Variants in LEPROT observed in about 807,000 individuals in gnomAD.
The protein encoded by LEPROT is leptin receptor gene-related protein.
LEPROT carries 3 observed loss-of-function variants against 15.4 expected under a neutral mutation model. The ratio of observed to expected loss-of-function variants is 0.19; its 90% CI spans 0.09 to 0.50. LEPROT has a LOEUF of 0.50. Ranked by LOEUF, LEPROT falls within the 20% of genes least tolerant of loss-of-function variation. The probability of loss-of-function intolerance (pLI) is 0.97; values close to 1 mark genes in which losing one functional copy is unlikely to be tolerated. For synonymous variants in LEPROT, 59 were observed against 57.5 expected (o/e 1.03, Z -0.12); for missense variants, 137 against 162.2 (o/e 0.84, Z 0.84).
At chr1:65,421,182 A>T in intron 1 of LEPROT, 1 of 784,418 alleles carries the variant, frequency 1.3e-6, no homozygotes, top group Non-Finnish European at 1.9e-6. Flanking sequence ...TCTTTTTCCT[A>T]ATGATTTTTC....
At chr1:65,425,833 A>G (rs1299889524) in intron 2 of LEPROT, among the ~76,000 whole-genome samples, 1 of 152,218 alleles carries the variant, frequency 6.6e-6, no homozygotes, top group Non-Finnish European at 1.5e-5. Context: ...GTGGATGAAT[A>G]AGAGTTTTTC....
In LEPROT at chr1:65,433,132, A is replaced by G. The variant is rs534584276; in HGVS notation, c.*1213A>G. On this transcript the variant is annotated 3_prime_UTR_variant, in exon 4 of 4. Coordinates refer to ENST00000371065, the MANE Select transcript of LEPROT (RefSeq NM_017526.5). ...TAGGTAACTCTTTTACATTTCCTTT[A>G]TGATCTGGCACTTCTCCCCAGCTCC... 1 of 985,340 alleles carries G rather than the reference A, an allele frequency of 1.0e-6. No individual in the cohort carries two copies. Among genetic ancestry groups the G allele is most frequent in the East Asian group, 1.1e-4 (1 of 8,796 alleles). The allele number at this position is 985,340 out of a possible 1,614,324, so 61.0% of individuals were successfully genotyped here. A position where few individuals can be genotyped will look rare whatever the true frequency, so the allele number is the denominator to read the frequency against.
At position 65,430,215 on chromosome 1, in the gene LEPROT, A is replaced by G. The variant is rs560267676; in HGVS notation, c.279+167A>G. The G allele has an allele frequency of 3.7e-5, 18 of 489,146 alleles. No homozygotes were observed. The South Asian group carries it at 1.1e-3, about 31-fold the overall frequency. The allele number at this position is 489,146 out of a possible 1,614,324, so 30.3% of individuals were successfully genotyped here. A position where few individuals can be genotyped will look rare whatever the true frequency, so the allele number is the denominator to read the frequency against. The stretch of plus-strand genomic sequence containing the variant: ...AGACCTGCCTAACAGTAGTTCGGCC[A>G]TGCCTTCAGAGTGCTTTCTTTATTT... On this transcript the variant is annotated intron_variant, in intron 3 of 3. Coordinates refer to ENST00000371065, the MANE Select transcript of LEPROT (RefSeq NM_017526.5).
intron 1 of LEPROT, among the ~76,000 whole-genome samples, chr1:65,423,225 A>G (rs748026504): frequency 3.3e-5 from 5 of 152,158 alleles, no homozygotes; most frequent in African/African-American, 1.2e-4. Context: ...CTGGAGCATC[A>G]GTTGCGGCCG....
In LEPROT at chr1:65,431,987, C is replaced by T. The variant is rs911768540; in HGVS notation, c.*68C>T. 1.5e-4 allele frequency: 230 copies of T among 1,493,998 alleles called. No homozygotes were observed. Among genetic ancestry groups the T allele is most frequent in the Middle Eastern group, 1.4e-3 (6 of 4,418 alleles). 92.5% of individuals were successfully genotyped at this position (1,493,998 alleles called of 1,614,324 possible). Reference sequence around the variant, plus strand: ...TACTATCTGTATACATGTGCACATGCGGCATTTTACTATGAAATTTAATAT... The same window carrying T: ...TACTATCTGTATACATGTGCACATGTGGCATTTTACTATGAAATTTAATAT... On this transcript the variant is annotated 3_prime_UTR_variant, in exon 4 of 4. Transcript: ENST00000371065.
chr1:65,424,120 G>A (rs951728625), intron 1 of LEPROT, among the ~76,000 whole-genome samples: 3 of 152,112 alleles, frequency 2.0e-5, no homozygotes, highest in Admixed American at 2.0e-4. Flanking sequence ...TCAAGATTTT[G>A]TAACAACCTT....
intron 1 of LEPROT, chr1:65,421,441 C>CA: frequency 1.3e-6 from 2 of 1,536,078 alleles, no homozygotes; most frequent in South Asian, 2.4e-5. Context: ...AGGTTTTTTG[C>CA]AAGGCTTCCT....
At chr1:65,421,376 G>A (rs1281080379) in intron 1 of LEPROT, 1 of 1,536,024 alleles carries the variant, frequency 6.5e-7, no homozygotes, top group Non-Finnish European at 8.7e-7. Flanking sequence ...TGGGGCAGTT[G>A]GTAAAAACAC....
chr1:65,423,230 C>T (rs1039936048), intron 1 of LEPROT, among the ~76,000 whole-genome samples: 3 of 152,066 alleles, frequency 2.0e-5, no homozygotes, highest in African/African-American at 7.2e-5. Context: ...GCATCAGTTG[C>T]GGCCGGGCCC....
At chr1:65,426,420 T>C (rs1014358016) in intron 2 of LEPROT, among the ~76,000 whole-genome samples, 2 of 151,974 alleles carry the variant, frequency 1.3e-5, no homozygotes, top group Non-Finnish European at 2.9e-5. Flanking sequence ...TGGGAAAATA[T>C]CTTGAGAATG....
At chr1:65,431,768 A>G (rs1237327631) in intron 3 of LEPROT, 35 bp from the exon 4 acceptor site, 1 of 1,599,642 alleles carries the variant, frequency 6.3e-7, no homozygotes, top group Non-Finnish European at 8.5e-7. Context: ...ATATGAAGGA[A>G]GTAAGGATTT....
intron 1 of LEPROT, chr1:65,421,480 T>C: frequency 6.5e-7 from 1 of 1,536,126 alleles, no homozygotes; most frequent in Non-Finnish European, 8.7e-7. Context: ...ATTCCATTTC[T>C]AATCTGTCGA....
chr1:65,429,688 T>G (rs1159240961), intron 2 of LEPROT, among the ~76,000 whole-genome samples, 174 bp from the exon 3 acceptor site: 1 of 152,232 alleles, frequency 6.6e-6, no homozygotes, highest in Non-Finnish European at 1.5e-5. Flanking sequence ...ATTTTAAAAT[T>G]ATCACTACTT....
chr1:65,425,404 A>G (rs923201843), intron 2 of LEPROT, 26 bp downstream of exon 2: 11 of 1,570,432 alleles, frequency 7.0e-6, no homozygotes, highest in African/African-American at 1.4e-5. Flanking sequence ...AAAAAGAACT[A>G]TTCCTCTTTC....
At chr1:65,429,314 A>G (rs532949293) in intron 2 of LEPROT, among the ~76,000 whole-genome samples, 1 of 152,212 alleles carries the variant, frequency 6.6e-6, no homozygotes, top group Admixed American at 6.5e-5. Context: ...TATGAGCTCA[A>G]GAGTGTTCAA....
At chr1:65,426,492 A>G (rs1570421783) in intron 2 of LEPROT, among the ~76,000 whole-genome samples, 1 of 152,120 alleles carries the variant, frequency 6.6e-6, no homozygotes, top group African/African-American at 2.4e-5. Flanking sequence ...CTAGATAGGA[A>G]AGAGCTGAGA....
rs147816495 is a variant in LEPROT at position 65,430,643 on chromosome 1, T to C, written c.279+595T>C. Among the ~76,000 whole-genome samples, 12 of 152,186 alleles carry C rather than the reference T, an allele frequency of 7.9e-5. No homozygotes were observed. The East Asian group carries it at 2.3e-3, about 29-fold the overall frequency. On this transcript the variant is annotated intron_variant, in intron 3 of 3. Transcript: ENST00000371065. ...CTCCAATTACGTTCTATTTTAATTT[T>C]ATGAAACTCTTATTTGAGGCATTGA...
chr1:65,431,339 A>G (rs1373011884), intron 3 of LEPROT, among the ~76,000 whole-genome samples: 1 of 152,196 alleles, frequency 6.6e-6, no homozygotes, highest in Non-Finnish European at 1.5e-5. Context: ...ACCATCTACA[A>G]ACCATCTACT....
rs1646526568 is a variant in LEPROT, at chr1:65,434,174, A to G, written c.*2255A>G. ...AGTGATAGATTATTAGATTTGCTCT[A>G]TGTCTGAAAAGAGAGCTATTCTGCA... On this transcript the variant is annotated 3_prime_UTR_variant, in exon 4 of 4. Transcript: ENST00000371065. 4 of 983,618 alleles carry G rather than the reference A, an allele frequency of 4.1e-6. No homozygotes were observed. The highest frequency in any genetic ancestry group is 3.5e-5 in the African/African-American group (2 of 57,202). 60.9% of individuals were successfully genotyped at this position (983,618 alleles called of 1,614,324 possible). A position where few individuals can be genotyped will look rare whatever the true frequency, so the allele number is the denominator to read the frequency against.
Sources: allele counts gnomAD v4.1 joint callset (sites outside exome capture counted in the v4.1 genomes callset), GRCh38; gene constraint gnomAD v4.1.1; transcripts MANE v1.5; gene names NCBI Gene and HGNC (gene_info 2026-07-23, HGNC 2026-07-21).